Variants in KHDRBS2 observed in about 807,000 individuals in gnomAD.
The protein encoded by KHDRBS2 is KH RNA binding domain containing, signal transduction associated 2, also known as KH domain-containing, RNA-binding, signal transduction-associated protein 2.
Under a neutral mutation model 44.3 loss-of-function variants are expected in KHDRBS2, and 26 were observed. The observed-to-expected ratio is 0.59, with a 90% CI of 0.43 to 0.81. The LOEUF is 0.81. Among genes scored for constraint, KHDRBS2 ranks in the 40% least tolerant of loss-of-function variants. The pLI, the probability that KHDRBS2 is intolerant of heterozygous loss-of-function variation, is 0.00. For missense variants in KHDRBS2, 476 were observed against 433.1 expected, an observed-to-expected ratio of 1.10 and a Z score of -0.88; for synonymous variants, 194 against 151.1, an observed-to-expected ratio of 1.28 and a Z score of -2.08.
chr6:61,689,314 C>T (rs1438206495), intron 8 of KHDRBS2, among the ~76,000 whole-genome samples: 1 of 151,930 alleles, frequency 6.6e-6, no homozygotes, highest in African/African-American at 2.4e-5. Flanking sequence ...TAGCACTTTC[C>T]TTTTTCCTTT....
chr6:62,250,523 AAGGG>A (rs1365586397), intron 1 of KHDRBS2, among the ~76,000 whole-genome samples: 1 of 151,962 alleles, frequency 6.6e-6, no homozygotes, highest in Admixed American at 6.6e-5. Context: ...AGGAAGGAAG[AAGGG>A]AGGGAGGGAG....
chr6:62,010,350 A>G (rs1452162392), intron 3 of KHDRBS2, among the ~76,000 whole-genome samples: 1 of 152,052 alleles, frequency 6.6e-6, no homozygotes, highest in Non-Finnish European at 1.5e-5. Flanking sequence ...CTTGCTTTTG[A>G]TTTTACAGGC....
At chr6:61,930,744 A>G (rs1392570438) in intron 4 of KHDRBS2, among the ~76,000 whole-genome samples, 7 of 45,596 alleles carry the variant, frequency 1.5e-4, no homozygotes, top group Non-Finnish European at 2.7e-4. Context: ...ATAAGTCAAC[A>G]TAAGTCAAAT....
chr6:61,980,646 G>C (rs935859295), intron 3 of KHDRBS2, among the ~76,000 whole-genome samples: 7 of 152,022 alleles, frequency 4.6e-5, no homozygotes, highest in Non-Finnish European at 1.0e-4. Flanking sequence ...AGTTACTTAG[G>C]AGTCCAGTGT....
chr6:62,069,663 C>T (rs2127343077), intron 2 of KHDRBS2, among the ~76,000 whole-genome samples: 1 of 151,840 alleles, frequency 6.6e-6, no homozygotes, highest in East Asian at 2.0e-4. Flanking sequence ...AGATGATTAA[C>T]ATTATACAAT....
intron 1 of KHDRBS2, among the ~76,000 whole-genome samples, chr6:62,239,342 G>A (rs989961990): frequency 4.6e-5 from 7 of 152,150 alleles, no homozygotes; most frequent in Non-Finnish European, 8.8e-5. Context: ...GGAGGCCGAG[G>A]AGGGTGGATC....
At chr6:61,586,990 G>A in the KHDRBS2 span, among the ~76,000 whole-genome samples, 16 of 152,158 alleles carry the variant, frequency 1.1e-4, 1 homozygote, top group Admixed American at 1.0e-3. Context: ...GATACCTTCT[G>A]ACTAATTTAG....
intron 3 of KHDRBS2, 29 bp downstream of exon 3, chr6:62,047,849 T>C: frequency 7.1e-7 from 1 of 1,400,908 alleles, no homozygotes; most frequent in Non-Finnish European, 1.0e-6. Flanking sequence ...CTCCTGAATG[T>C]GGTAAATATT....
the KHDRBS2 span, among the ~76,000 whole-genome samples, chr6:61,601,261 C>A: frequency 1.3e-5 from 2 of 151,968 alleles, no homozygotes; most frequent in Non-Finnish European, 2.9e-5. Context: ...AGGCACCCCC[C>A]ACCCCTTCTC....
intron 1 of KHDRBS2, among the ~76,000 whole-genome samples, chr6:62,219,024 G>T (rs1290916910): frequency 6.6e-6 from 1 of 151,670 alleles, no homozygotes; most frequent in African/African-American, 2.4e-5. Context: ...GAAGAAGTGG[G>T]CAGGGTAATG....
At chr6:62,215,736 C>T (rs1195848993) in intron 1 of KHDRBS2, among the ~76,000 whole-genome samples, 2 of 151,364 alleles carry the variant, frequency 1.3e-5, no homozygotes, top group Admixed American at 6.6e-5. Context: ...GTGATCAGCC[C>T]GATTATGAAA....
chr6:62,170,801 C>A (rs1193021845), intron 2 of KHDRBS2, among the ~76,000 whole-genome samples: 1 of 152,074 alleles, frequency 6.6e-6, no homozygotes. Context: ...AAGATGGGGA[C>A]CTGGGTACCA....
intron 1 of KHDRBS2, among the ~76,000 whole-genome samples, chr6:62,270,617 T>C (rs1393819521): frequency 1.3e-5 from 2 of 152,040 alleles, no homozygotes; most frequent in Non-Finnish European, 2.9e-5. Flanking sequence ...GCCACGGGTA[T>C]TGTTCACACA....
At chr6:62,006,890 G>A (rs1240910823) in intron 3 of KHDRBS2, among the ~76,000 whole-genome samples, 1 of 151,892 alleles carries the variant, frequency 6.6e-6, no homozygotes, top group African/African-American at 2.4e-5. Context: ...CAAAATATAA[G>A]GCAGGAGTTA....
At chr6:62,056,429 A>C (rs994023186) in intron 2 of KHDRBS2, among the ~76,000 whole-genome samples, 1 of 151,914 alleles carries the variant, frequency 6.6e-6, no homozygotes, top group African/African-American at 2.4e-5. Flanking sequence ...TAAACACAAA[A>C]TCCATGATCT....
chr6:61,880,383 T>C (rs1056992095), intron 6 of KHDRBS2, among the ~76,000 whole-genome samples: 2 of 151,946 alleles, frequency 1.3e-5, no homozygotes, highest in African/African-American at 4.8e-5. Context: ...GGTAGATTTA[T>C]TTTAGGGGTA....
At chr6:61,676,265 G>A (rs138346200), downstream of KHDRBS2, among the ~76,000 whole-genome samples, 418 of 151,848 alleles carry the variant, frequency 2.8e-3, 2 homozygotes, top group Admixed American at 5.5e-3. Flanking sequence ...TAAGAGTGAG[G>A]CAAGTTATGA....
chr6:62,209,456 T>A (rs932028624), intron 1 of KHDRBS2, among the ~76,000 whole-genome samples: 2 of 152,220 alleles, frequency 1.3e-5, no homozygotes, highest in African/African-American at 4.8e-5. Flanking sequence ...TATAGATGTG[T>A]TTGCGTGTAT....
chr6:62,185,374 A>C (rs1823212276), intron 1 of KHDRBS2, among the ~76,000 whole-genome samples: 1 of 151,992 alleles, frequency 6.6e-6, no homozygotes, highest in African/African-American at 2.4e-5. Context: ...GTTGCTAGCA[A>C]AACAGATGGT....
Sources: gnomAD v4.1 joint callset for allele counts (sites outside exome capture counted in the v4.1 genomes callset) on GRCh38, gnomAD v4.1.1 for gene constraint, MANE v1.5 for transcripts, NCBI Gene and HGNC (gene_info 2026-07-23, HGNC 2026-07-21) for gene names.